The following PTPRE variants were observed in gnomAD, a reference collection of about 807,000 sequenced individuals.
PTPRE encodes the protein protein tyrosine phosphatase receptor type E, also known as receptor-type tyrosine-protein phosphatase epsilon.
Under a neutral mutation model 102.0 loss-of-function variants are expected in PTPRE, and 51 were observed. The observed-to-expected ratio is 0.50, with a 90% confidence interval of 0.40 to 0.63. PTPRE has a LOEUF of 0.63. Ranked by LOEUF, PTPRE falls within the 30% of genes least tolerant of loss-of-function variation. PTPRE has a pLI of 0.00. For missense variants in PTPRE, 752 were observed against 915.1 expected (o/e 0.82, Z 2.30); for synonymous variants, 345 against 348.2 (o/e 0.99, Z 0.10).
intron 2 of PTPRE, among the ~76,000 whole-genome samples, chr10:128,006,340 CA>C (rs1854541413): frequency 6.6e-6 from 1 of 152,228 alleles, no homozygotes; most frequent in African/African-American, 2.4e-5. Context: ...CAGATTTTCA[CA>C]GACAAGGTTC....
chr10:127,930,731 G>C (rs560696967), intron 1 of PTPRE, among the ~76,000 whole-genome samples: 2 of 151,972 alleles, frequency 1.3e-5, no homozygotes, highest in African/African-American at 2.4e-5. Context: ...TTTTCCACCA[G>C]CAGTTGCTCT....
chr10:127,993,697 G>T (rs182743250), intron 2 of PTPRE, among the ~76,000 whole-genome samples: 9 of 152,244 alleles, frequency 5.9e-5, no homozygotes, highest in African/African-American at 2.2e-4. Context: ...AAAACCCGGG[G>T]TCACTCGTTC....
chr10:127,907,836 A>G lies in PTPRE; in HGVS notation c.-31+527A>G, dbSNP rs929589618. Among the ~76,000 whole-genome samples the G allele has an allele frequency of 6.6e-6, 1 of 152,236 alleles. No individual in the cohort carries two copies. The highest frequency in any genetic ancestry group is 2.1e-4 in the South Asian group (1 of 4,826). On this transcript the variant is annotated intron_variant, in intron 1 of 20. Transcript: ENST00000254667. This position sits in a 1 kb window ranked among gnomAD's most constrained non-coding sequence, Gnocchi z 4.8. ...GGCGGGCGCCCGCGCCTTCCCAGGG[A>G]GGCAGGTGGAGCGGGATGCAGCAGC...
In PTPRE at chr10:128,070,068, G is replaced by A. The variant is rs915606550; in HGVS notation, c.1144-233G>A. 4 of 693,286 alleles carry A rather than the reference G, an allele frequency of 5.8e-6. No individual in the cohort carries two copies. The highest frequency in any genetic ancestry group is 9.5e-6 in the Non-Finnish European group (4 of 419,620). The allele number at this position is 693,286 out of a possible 1,614,324, so 42.9% of individuals were successfully genotyped here. A position where few individuals can be genotyped will look rare whatever the true frequency, so the allele number is the denominator to read the frequency against. On this transcript the variant is annotated intron_variant, in intron 13 of 20. Coordinates refer to ENST00000254667, the MANE Select transcript of PTPRE (RefSeq NM_006504.6). The surrounding 1 kb of genome is among the most constrained non-coding windows in gnomAD (Gnocchi z 4.8). ...AATCCTACTCCCCCAAACGGTGCATGTACACAGTGCGTGGCGTGCTCACCA... is the reference window on the plus strand; with the variant it reads ...AATCCTACTCCCCCAAACGGTGCATATACACAGTGCGTGGCGTGCTCACCA...
intron 1 of PTPRE, among the ~76,000 whole-genome samples, chr10:127,960,529 G>C (rs12767640): frequency 0.13 from 20,378 of 152,076 alleles, 1,362 homozygotes; most frequent in Middle Eastern, 0.19. Context: ...CCCCGAGTCC[G>C]GTCTGACCGT....
intron 20 of PTPRE, among the ~76,000 whole-genome samples, chr10:128,082,167 A>C: frequency 7.0e-6 from 1 of 141,900 alleles, no homozygotes; most frequent in Non-Finnish European, 1.5e-5. Context: ...TTATCTGGCA[A>C]TGTTAGTACT....
chr10:127,936,960 G>A (rs1847885877), intron 1 of PTPRE, among the ~76,000 whole-genome samples: 1 of 152,194 alleles, frequency 6.6e-6, no homozygotes, highest in Non-Finnish European at 1.5e-5. Flanking sequence ...TTGCTGCAGT[G>A]AAGGTGGCCT....
chr10:127,911,268 T>C (rs1217210786), intron 1 of PTPRE, among the ~76,000 whole-genome samples: 2 of 152,264 alleles, frequency 1.3e-5, no homozygotes, highest in African/African-American at 4.8e-5. Flanking sequence ...TTAAGTATTT[T>C]AATCCCATAA....
chr10:127,982,763 T>C (rs1407632048), intron 2 of PTPRE, among the ~76,000 whole-genome samples: 1 of 152,208 alleles, frequency 6.6e-6, no homozygotes, highest in African/African-American at 2.4e-5. Flanking sequence ...CCGGATTGCA[T>C]GCTCAGTAAA....
intron 2 of PTPRE, among the ~76,000 whole-genome samples, chr10:128,001,030 A>C (rs898071465): frequency 2.0e-5 from 3 of 152,208 alleles, no homozygotes; most frequent in Non-Finnish European, 2.9e-5. Context: ...TTCACTCTCA[A>C]CATTTGCTGT....
intron 2 of PTPRE, among the ~76,000 whole-genome samples, chr10:127,986,104 A>T (rs558529528): frequency 1.3e-5 from 2 of 152,338 alleles, no homozygotes; most frequent in South Asian, 2.1e-4. Context: ...AATTAAAAAA[A>T]AATTGACATC....
intron 6 of PTPRE, among the ~76,000 whole-genome samples, chr10:128,052,962 C>G (rs543187080): frequency 6.6e-5 from 10 of 152,118 alleles, no homozygotes; most frequent in Non-Finnish European, 1.0e-4. Context: ...GAAATGAAAT[C>G]TCTAGGCCGG....
intron 2 of PTPRE, among the ~76,000 whole-genome samples, chr10:128,004,297 A>G (rs1164986098): frequency 6.6e-6 from 1 of 151,850 alleles, no homozygotes; most frequent in East Asian, 1.9e-4. Context: ...TAAAATTCAC[A>G]TAACATAAAA....
intron 3 of PTPRE, 22 bp downstream of exon 3, chr10:128,041,012 T>C: frequency 6.2e-7 from 1 of 1,602,846 alleles, no homozygotes; most frequent in African/African-American, 1.3e-5. Context: ...TTTCCCTGGC[T>C]GCCTCCCCTA....
At chr10:128,001,275 A>G (rs1853859410) in intron 2 of PTPRE, among the ~76,000 whole-genome samples, 1 of 152,176 alleles carries the variant, frequency 6.6e-6, no homozygotes, top group African/African-American at 2.4e-5. Flanking sequence ...ATGCATTTAT[A>G]GAAGTGGGAA....
chr10:127,999,958 C>T, intron 2 of PTPRE: 1 of 985,398 alleles, frequency 1.0e-6, no homozygotes, highest in African/African-American at 1.7e-5. Flanking sequence ...GAACGCGGTG[C>T]TCTGTAAGTA....
At chr10:127,917,132 C>A (rs1007993986) in intron 1 of PTPRE, among the ~76,000 whole-genome samples, 5 of 151,570 alleles carry the variant, frequency 3.3e-5, no homozygotes, top group African/African-American at 1.2e-4. Flanking sequence ...GAGTGAGAAC[C>A]AAGGCCCCGC....
At chr10:127,937,344 A>G (rs1245480360) in intron 1 of PTPRE, among the ~76,000 whole-genome samples, 4 of 152,198 alleles carry the variant, frequency 2.6e-5, no homozygotes, top group Non-Finnish European at 4.4e-5. Flanking sequence ...GTTGAAAATC[A>G]GGTGATTTGC....
intron 1 of PTPRE, among the ~76,000 whole-genome samples, chr10:127,915,405 C>T (rs1257350191): frequency 6.6e-6 from 1 of 152,220 alleles, no homozygotes; most frequent in Non-Finnish European, 1.5e-5. Context: ...CCAGTAACCT[C>T]GTCCTTAATT....
Sources: gnomAD v4.1 joint callset for allele counts (sites outside exome capture counted in the v4.1 genomes callset) on GRCh38, gnomAD v4.1.1 for gene constraint, Gnocchi (gnomAD v3.1) non-coding constraint, MANE v1.5 for transcripts, NCBI Gene and HGNC (gene_info 2026-07-23, HGNC 2026-07-21) for gene names.